TMEM132D: variants seen among roughly 807,000 people sequenced by gnomAD.
TMEM132D encodes the protein transmembrane protein 132D.
In TMEM132D, 21 loss-of-function variants were observed where a neutral mutation model predicts 62.3. That is an observed-to-expected ratio of 0.34 (90% CI 0.24 to 0.49). TMEM132D has a LOEUF of 0.49. Among genes scored for constraint, TMEM132D ranks in the 20% least tolerant of loss-of-function variants. The pLI is 0.99. For missense variants in TMEM132D, 1,346 were observed against 1,402.8 expected (o/e 0.96, Z 0.65); for synonymous variants, 621 against 575.6 (o/e 1.08, Z -1.13).
chr12:129,268,316 A>G (rs1003290746), intron 4 of TMEM132D, among the ~76,000 whole-genome samples: 3 of 152,234 alleles, frequency 2.0e-5, no homozygotes, highest in African/African-American at 7.2e-5. Context: ...AGAATCTACA[A>G]AGAACTCAAA....
At chr12:129,148,181 C>T (rs1876968033) in intron 5 of TMEM132D, among the ~76,000 whole-genome samples, 1 of 152,122 alleles carries the variant, frequency 6.6e-6, no homozygotes, top group South Asian at 2.1e-4. Context: ...TCCATGGCAC[C>T]TATGAGGAGC....
At chr12:129,641,226 C>T (rs550332820) in intron 2 of TMEM132D, among the ~76,000 whole-genome samples, 35 of 152,232 alleles carry the variant, frequency 2.3e-4, no homozygotes, top group Admixed American at 1.1e-3. Context: ...ATGTAAGGCA[C>T]GACAAAAAGA....
At chr12:129,612,755 T>C (rs1377736548) in intron 2 of TMEM132D, among the ~76,000 whole-genome samples, 3 of 152,128 alleles carry the variant, frequency 2.0e-5, no homozygotes, top group African/African-American at 7.2e-5. Flanking sequence ...ACGCTTAGTC[T>C]GACCTTTTGC....
chr12:129,838,807 C>A (rs1196442885), intron 1 of TMEM132D, among the ~76,000 whole-genome samples: 1 of 152,102 alleles, frequency 6.6e-6, no homozygotes, highest in African/African-American at 2.4e-5. Flanking sequence ...ATGAGATATT[C>A]TTTTTTCCCC....
At chr12:129,310,155 T>C (rs973326339) in intron 4 of TMEM132D, among the ~76,000 whole-genome samples, 4 of 152,212 alleles carry the variant, frequency 2.6e-5, no homozygotes, top group Admixed American at 1.3e-4. Context: ...CTGTGCGTGA[T>C]TGCTACAGAA....
intron 4 of TMEM132D, among the ~76,000 whole-genome samples, chr12:129,227,573 T>C (rs994885709): frequency 6.8e-6 from 1 of 147,916 alleles, no homozygotes; most frequent in Non-Finnish European, 1.5e-5. Context: ...ATTTACCTGA[T>C]TTTATTTTTA....
chr12:129,417,799 T>G (rs1872175105), intron 3 of TMEM132D, among the ~76,000 whole-genome samples: 1 of 151,968 alleles, frequency 6.6e-6, no homozygotes. Flanking sequence ...TTGCAATCTA[T>G]CCATCTGACA....
intron 1 of TMEM132D, among the ~76,000 whole-genome samples, chr12:129,891,417 C>T (rs1874920632): frequency 6.6e-6 from 1 of 152,204 alleles, no homozygotes; most frequent in East Asian, 1.9e-4. Context: ...TTCATGAAGA[C>T]TTTTGAATAG....
chr12:129,489,579 C>G (rs188630577), intron 3 of TMEM132D, among the ~76,000 whole-genome samples: 1 of 152,182 alleles, frequency 6.6e-6, no homozygotes, highest in Admixed American at 6.5e-5. Flanking sequence ...GTTATTTGGC[C>G]TTGGCCTTTT....
At chr12:129,806,716 A>T (rs1056448237) in intron 1 of TMEM132D, among the ~76,000 whole-genome samples, 5 of 152,196 alleles carry the variant, frequency 3.3e-5, no homozygotes, top group African/African-American at 9.6e-5. Context: ...AAATAAAAAT[A>T]AAAAATAAAA....
chr12:129,448,862 C>A (rs923108141), intron 3 of TMEM132D, among the ~76,000 whole-genome samples: 9 of 152,152 alleles, frequency 5.9e-5, no homozygotes, highest in African/African-American at 2.2e-4. Flanking sequence ...TTAGTAATTT[C>A]TACACTATAT....
intron 5 of TMEM132D, among the ~76,000 whole-genome samples, chr12:129,136,795 C>CACCAT (rs1876580997): frequency 6.7e-6 from 1 of 148,758 alleles, no homozygotes; most frequent in African/African-American, 2.5e-5. Flanking sequence ...ATCACCATCA[C>CACCAT]CATCATCACC....
At chr12:129,101,998 T>TTC (rs1555229855) in intron 5 of TMEM132D, among the ~76,000 whole-genome samples, 13 of 149,342 alleles carry the variant, frequency 8.7e-5, no homozygotes, top group Middle Eastern at 3.4e-3. Context: ...TTTTTTTTTT[T>TTC]TCTCTCTCTC....
intron 1 of TMEM132D, among the ~76,000 whole-genome samples, chr12:129,758,277 T>A (rs1468409133): frequency 1.3e-5 from 2 of 152,188 alleles, no homozygotes; most frequent in African/African-American, 2.4e-5. Flanking sequence ...TGTTATTCCC[T>A]CTGCCTGGCA....
intron 3 of TMEM132D, among the ~76,000 whole-genome samples, chr12:129,471,113 C>T (rs1161364055): frequency 6.6e-6 from 1 of 151,904 alleles, no homozygotes; most frequent in East Asian, 1.9e-4. Flanking sequence ...CTCTTCCTTG[C>T]AATCAAATCC....
intron 3 of TMEM132D, among the ~76,000 whole-genome samples, chr12:129,437,115 G>A (rs1872807367): frequency 1.3e-5 from 2 of 152,118 alleles, no homozygotes; most frequent in South Asian, 4.1e-4. Context: ...GCAGCCAGGT[G>A]TGGCTGTTGA....
intron 1 of TMEM132D, among the ~76,000 whole-genome samples, chr12:129,776,512 G>C (rs890049181): frequency 1.3e-5 from 2 of 151,940 alleles, no homozygotes; most frequent in African/African-American, 4.8e-5. Context: ...AGGGACCAGT[G>C]GTTGACTACT....
At chr12:129,140,911 C>A (rs1045691960) in intron 5 of TMEM132D, among the ~76,000 whole-genome samples, 2 of 151,908 alleles carry the variant, frequency 1.3e-5, no homozygotes, top group African/African-American at 2.4e-5. Flanking sequence ...CTTCTGATCG[C>A]GAGGAAGCAT....
chr12:129,891,307 C>A (rs772991462), intron 1 of TMEM132D, among the ~76,000 whole-genome samples: 14 of 152,288 alleles, frequency 9.2e-5, no homozygotes, highest in Middle Eastern at 3.4e-3. Flanking sequence ...AATCCCTCAC[C>A]CCTCAAGAGC....
Sources: allele counts gnomAD v4.1 joint callset (sites outside exome capture counted in the v4.1 genomes callset), GRCh38; gene constraint gnomAD v4.1.1; transcripts MANE v1.5; gene names NCBI Gene and HGNC (gene_info 2026-07-23, HGNC 2026-07-21).